BRCA1: variants seen among roughly 807,000 people sequenced by gnomAD.
The protein encoded by BRCA1 is breast cancer type 1 susceptibility protein.
BRCA1 carries 140 observed loss-of-function variants against 173.7 expected under a neutral mutation model. That is an observed-to-expected ratio of 0.81 (90% CI 0.70 to 0.93). The LOEUF (loss-of-function observed/expected upper bound fraction) is 0.93, where lower values mean the gene tolerates loss of function less well. Ranked by LOEUF, BRCA1 falls within the 40% of genes least tolerant of loss-of-function variation. The probability of loss-of-function intolerance (pLI) is 0.00; values close to 1 mark genes in which losing one functional copy is unlikely to be tolerated. For missense variants in BRCA1, 1,983 were observed against 2,172.5 expected (o/e 0.91, Z 1.73); for synonymous variants, 662 against 756.0 (o/e 0.88, Z 2.04).
At chr17:43,140,252 C>T in intron 1 of BRCA1, 1 of 197,766 alleles carries the variant, frequency 5.1e-6, no homozygotes. Context: ...CCAGACCTCA[C>T]CCTGTGTATC....
intron 2 of BRCA1, among the ~76,000 whole-genome samples, chr17:43,116,546 T>A (rs868686206): frequency 4.5e-4 from 68 of 152,132 alleles, no homozygotes; most frequent in Non-Finnish European, 7.3e-5. Context: ...GAGATGGGGT[T>A]TTGCTTTTGT....
chr17:43,098,444 C>A (rs576531149), intron 7 of BRCA1, among the ~76,000 whole-genome samples: 11 of 151,722 alleles, frequency 7.3e-5, no homozygotes, highest in Non-Finnish European at 1.5e-5. Flanking sequence ...TTGTAACCTC[C>A]GCCTCCCTGG....
At chr17:43,107,382 ATTT>A (rs762948688) in intron 3 of BRCA1, among the ~76,000 whole-genome samples, 1 of 118,496 alleles carries the variant, frequency 8.4e-6, no homozygotes, top group Non-Finnish European at 1.8e-5. Flanking sequence ...TATTTTCTTA[ATTT>A]TTTTTTTTTT....
rs1157319575 is a variant in BRCA1 at position 43,045,216 on chromosome 17, TC to T, written c.*461del. On this transcript the variant is annotated 3_prime_UTR_variant, in exon 23 of 23. Coordinates refer to ENST00000357654, the MANE Select transcript of BRCA1 (RefSeq NM_007294.4). The stretch of plus-strand genomic sequence containing the variant: ...TTCTGACTTTAAGTCACATAATCGA[TC>T]CCAAGCACTCTCCTTCCATTGAAGG... 1.9e-6 allele frequency: 1 copy of T among 538,184 alleles called. No individual in the cohort carries two copies. The highest frequency in any genetic ancestry group is 3.6e-6 in the Non-Finnish European group (1 of 279,038). 33.3% of individuals were successfully genotyped at this position (538,184 alleles called of 1,614,324 possible). A position where few individuals can be genotyped will look rare whatever the true frequency, so the allele number is the denominator to read the frequency against.
At chr17:43,069,628 G>C (rs1010898480) in intron 15 of BRCA1, among the ~76,000 whole-genome samples, 1 of 152,168 alleles carries the variant, frequency 6.6e-6, no homozygotes, top group Non-Finnish European at 1.5e-5. Flanking sequence ...TGCTGGTCTG[G>C]ACATGGGATT....
Position 43,091,866 on chromosome 17 carries a change from T to G in BRCA1, c.3665A>C (p.Glu1222Ala), listed in dbSNP as rs2154296043. Residue 1222 changes from glutamate (E) to alanine (A), a missense_variant, in exon 10 of 23, where the codon GAG (glutamate) becomes GCG (alanine). Glu to Ala is a moderately radical substitution (Grantham distance 107, BLOSUM62 -1). Coordinates refer to ENST00000357654, the MANE Select transcript of BRCA1 (RefSeq NM_007294.4). ...TAACAAGTGTTGGAAGCAGGGAAGCTCTTCATCCTCACTAGATAAGTTCTC... is the reference window on the plus strand; with the variant it reads ...TAACAAGTGTTGGAAGCAGGGAAGCGCTTCATCCTCACTAGATAAGTTCTC... ...SEENLSSEDE[E>A]LPCFQHLLFG... The G allele has an allele frequency of 6.2e-7, 1 of 1,614,192 alleles. No individual in the cohort carries two copies. The highest frequency in any genetic ancestry group is 8.5e-7 in the Non-Finnish European group (1 of 1,180,040).
chr17:43,123,225 T>TAA (rs930500249), intron 2 of BRCA1, among the ~76,000 whole-genome samples: 2 of 145,932 alleles, frequency 1.4e-5, no homozygotes, highest in Admixed American at 6.9e-5. Flanking sequence ...AGATCCTATA[T>TAA]AAAAAAAAAA....
At chr17:43,137,433 T>C in intron 1 of BRCA1, among the ~76,000 whole-genome samples, 1 of 140,974 alleles carries the variant, frequency 7.1e-6, no homozygotes, top group South Asian at 2.2e-4. Flanking sequence ...TAATAATAAT[T>C]AAAAAAAAAA....
intron 3 of BRCA1, among the ~76,000 whole-genome samples, chr17:43,108,445 T>A (rs1475789823): frequency 6.6e-6 from 1 of 151,042 alleles, no homozygotes; most frequent in Non-Finnish European, 1.5e-5. Context: ...GTGCAGTGGC[T>A]CATGTCTGCA....
rs556457706 is a variant in BRCA1, at chr17:43,119,317, C to T, written c.81-3538G>A. On this transcript the variant is annotated intron_variant, in intron 2 of 22. Coordinates refer to ENST00000357654, the MANE Select transcript of BRCA1 (RefSeq NM_007294.4). ...AAGGATCACAAGAAAAGCTTGTGGA[C>T]AGTAACCTTATTGTGAAGGGTTGTA... 5 of 220,136 alleles carry T rather than the reference C, an allele frequency of 2.3e-5. No homozygotes were observed. The South Asian group carries it at 9.3e-4, about 41-fold the overall frequency. The allele number at this position is 220,136 out of a possible 1,614,324, so 13.6% of individuals were successfully genotyped here. A position where few individuals can be genotyped will look rare whatever the true frequency, so the allele number is the denominator to read the frequency against.
intron 1 of BRCA1, among the ~76,000 whole-genome samples, chr17:43,153,052 A>T (rs1206332370): frequency 6.6e-6 from 1 of 151,876 alleles, no homozygotes; most frequent in Non-Finnish European, 1.5e-5. Context: ...ATAATAATAA[A>T]AATAAATAAA....
intron 1 of BRCA1, 65 bp from the exon 2 acceptor site, chr17:43,124,180 T>C: frequency 1.1e-6 from 1 of 935,506 alleles, no homozygotes; most frequent in Non-Finnish European, 1.6e-6. Context: ...GACAACTTCA[T>C]TTTATCATTT....
intron 12 of BRCA1, 27 bp downstream of exon 12, chr17:43,082,377 T>C (rs774944967): frequency 1.2e-6 from 2 of 1,610,092 alleles, no homozygotes; most frequent in Admixed American, 3.3e-5. Flanking sequence ...TTGCTTAAGA[T>C]ATCAGTGTTT....
rs757415688 is a variant in BRCA1 at position 43,045,832 on chromosome 17, G to C, written c.5468-30C>G. The stretch of plus-strand genomic sequence containing the variant: ...AGACAGAGAACACAAGCAGAGATTA[G>C]TGTCAATTCATTCTCCTGGACTAGG... On this transcript the variant is annotated intron_variant, in intron 22 of 22. Coordinates refer to ENST00000357654, the MANE Select transcript of BRCA1 (RefSeq NM_007294.4). The C allele has an allele frequency of 9.9e-6, 16 of 1,613,090 alleles. No homozygotes were observed. In the Admixed American group the frequency reaches 2.5e-4, roughly 25 times the overall value.
chr17:43,129,831 G>GAGTC (rs889097440), upstream of BRCA1, among the ~76,000 whole-genome samples: 2 of 152,196 alleles, frequency 1.3e-5, no homozygotes, highest in Non-Finnish European at 2.9e-5. Context: ...TTGGCAGACT[G>GAGTC]AGTCAGTCAC....
At chr17:43,096,032 A>G in intron 8 of BRCA1, 110 bp from the exon 9 acceptor site, 1 of 903,104 alleles carries the variant, frequency 1.1e-6, no homozygotes, top group Non-Finnish European at 1.8e-6. Flanking sequence ...AAAGCTGACC[A>G]ATCTTATTTA....
At chr17:43,079,862 T>A in intron 12 of BRCA1, 1 of 664,960 alleles carries the variant, frequency 1.5e-6, no homozygotes, top group South Asian at 1.7e-5. Context: ...ATTTAGCATA[T>A]AAATTCCTCT....
At chr17:43,052,806 C>T (rs1452240815) in intron 19 of BRCA1, among the ~76,000 whole-genome samples, 2 of 118,712 alleles carry the variant, frequency 1.7e-5, no homozygotes, top group African/African-American at 6.2e-5. Flanking sequence ...CACACACACA[C>T]ACACACACAC....
chr17:43,157,667 G>A (rs749608975), intron 1 of BRCA1, among the ~76,000 whole-genome samples: 9 of 151,328 alleles, frequency 5.9e-5, no homozygotes, highest in Non-Finnish European at 1.2e-4. Flanking sequence ...CTGTACTCCA[G>A]CCTGGGCAAC....
Sources: allele counts gnomAD v4.1 joint callset (sites outside exome capture counted in the v4.1 genomes callset), GRCh38; gene constraint gnomAD v4.1.1; transcripts MANE v1.5; gene names NCBI Gene and HGNC (gene_info 2026-07-23, HGNC 2026-07-21).